The following TTC23L variants were observed in gnomAD, a reference collection of about 807,000 sequenced individuals.
TTC23L encodes the protein tetratricopeptide repeat domain 23 like.
TTC23L carries 42 observed loss-of-function variants against 48.1 expected under a neutral mutation model. That is an observed-to-expected ratio of 0.87 (90% CI 0.68 to 1.13). The LOEUF (loss-of-function observed/expected upper bound fraction) is 1.13. Ranked by LOEUF, TTC23L falls within the 50% of genes most tolerant of loss-of-function variation. The probability of loss-of-function intolerance (pLI) is 0.00; values close to 1 mark genes in which losing one functional copy is unlikely to be tolerated. For synonymous variants in TTC23L, 159 were observed against 157.2 expected (o/e 1.01, Z -0.09); for missense variants, 391 against 421.0 (o/e 0.93, Z 0.62).
At chr5:34,855,532 A>C in intron 4 of TTC23L, among the ~76,000 whole-genome samples, 1 of 152,224 alleles carries the variant, frequency 6.6e-6, no homozygotes, top group South Asian at 2.1e-4. Flanking sequence ...TTTTTAAACC[A>C]GAAACCCACT....
chr5:34,846,220 A>G (rs1759117139), intron 3 of TTC23L, among the ~76,000 whole-genome samples: 1 of 151,846 alleles, frequency 6.6e-6, no homozygotes, highest in Non-Finnish European at 1.5e-5. Context: ...AAACCTAAAA[A>G]TTATCATTTG....
chr5:34,909,001 G>C, the TTC23L span: 1 of 1,411,926 alleles, frequency 7.1e-7, no homozygotes, highest in Non-Finnish European at 9.8e-7. Context: ...ACACTGCTCA[G>C]AACTCCCAAG....
the TTC23L span, chr5:34,914,532 T>G: frequency 1.4e-6 from 1 of 701,408 alleles, no homozygotes; most frequent in Non-Finnish European, 2.3e-6. Context: ...AATGACGTTT[T>G]GTTCTCTAAC....
intron 6 of TTC23L, 90 bp downstream of exon 6, chr5:34,864,652 A>G (rs115182379): frequency 7.0e-7 from 1 of 1,425,994 alleles, no homozygotes; most frequent in Non-Finnish European, 9.3e-7. Context: ...GAGCAAAAAA[A>G]CCCAGAAACT....
chr5:34,881,856 CA>C (rs1489367823), intron 9 of TTC23L, among the ~76,000 whole-genome samples: 2 of 151,686 alleles, frequency 1.3e-5, no homozygotes, highest in Non-Finnish European at 2.9e-5. Flanking sequence ...CTCTGCCTCC[CA>C]AGTTCAAGCG....
At chr5:34,839,479 G>A (rs927692219) in intron 1 of TTC23L, 1 of 233,748 alleles carries the variant, frequency 4.3e-6, no homozygotes, top group Non-Finnish European at 7.0e-6. Context: ...CGGGAAAAGA[G>A]GAGCGATTCG....
chr5:34,870,606 G>T (rs536391427), intron 8 of TTC23L, among the ~76,000 whole-genome samples: 1 of 152,140 alleles, frequency 6.6e-6, no homozygotes, highest in Non-Finnish European at 1.5e-5. Context: ...TATGAGGCCA[G>T]TATTACCCTG....
At chr5:34,920,727 A>G in the TTC23L span, 1 of 152,234 alleles carries the variant, frequency 6.6e-6, no homozygotes, top group East Asian at 1.9e-4. Context: ...GAAATATGGT[A>G]AAAGACCATC....
chr5:34,845,854 C>T lies in TTC23L; in HGVS notation c.255+181C>T, dbSNP rs1759074810. 5 of 634,346 alleles carry T rather than the reference C, an allele frequency of 7.9e-6. No individual in the cohort carries two copies. In the South Asian group the frequency reaches 1.1e-4, roughly 14 times the overall value. The allele number at this position is 634,346 out of a possible 1,614,324, so 39.3% of individuals were successfully genotyped here. A position where few individuals can be genotyped will look rare whatever the true frequency, so the allele number is the denominator to read the frequency against. On this transcript the variant is annotated intron_variant, in intron 3 of 10. Transcript: ENST00000505624. ...AGCCAGCCCACCTTCTGGTTCCATG[C>T]ATGGTTCATTGTCTGTTCCTCCTTG...
chr5:34,858,683 TAAA>T (rs146615654), intron 4 of TTC23L, among the ~76,000 whole-genome samples: 3 of 149,436 alleles, frequency 2.0e-5, no homozygotes, highest in Admixed American at 2.0e-4. Flanking sequence ...AGGCTTCAGA[TAAA>T]AAAAAAATAG....
intron 6 of TTC23L, among the ~76,000 whole-genome samples, chr5:34,865,430 A>C (rs1760978314): frequency 6.6e-6 from 1 of 152,246 alleles, no homozygotes. Context: ...TCCACAGGGC[A>C]ATAAATTACA....
the TTC23L span, chr5:34,913,611 T>C: frequency 2.3e-5 from 30 of 1,328,944 alleles, no homozygotes; most frequent in Admixed American, 6.3e-5. Context: ...AATTGTTACA[T>C]AAAAGAATAA....
chr5:34,863,123 C>A lies in TTC23L; in HGVS notation c.536+69C>A. On this transcript the variant is annotated intron_variant, in intron 5 of 10. Coordinates refer to ENST00000505624, the Ensembl canonical transcript of TTC23L. The surrounding 1 kb of genome is among the most constrained non-coding windows in gnomAD (Gnocchi z 4.1). ...GCCACACATGCCAGATGGGTCATCT[C>A]ATACAGGAGGGTGGGAGATGGAACC... 6.3e-7 allele frequency: 1 copy of A among 1,586,614 alleles called. No homozygotes were observed. Among genetic ancestry groups the A allele is most frequent in the Non-Finnish European group, 8.6e-7 (1 of 1,163,296 alleles).
the TTC23L span, chr5:34,922,744 T>A: frequency 6.2e-7 from 1 of 1,614,104 alleles, no homozygotes. Context: ...TGAAAGGTTC[T>A]CGGCCCCTTT....
At chr5:34,847,480 G>GTT (rs3996923) in intron 3 of TTC23L, among the ~76,000 whole-genome samples, 7 of 146,312 alleles carry the variant, frequency 4.8e-5, no homozygotes, top group South Asian at 2.2e-4. Flanking sequence ...CAATAACGCT[G>GTT]TTTTTTTTTT....
intron 4 of TTC23L, among the ~76,000 whole-genome samples, chr5:34,859,430 C>T (rs72732822): frequency 0.33 from 50,860 of 152,098 alleles, 9,879 homozygotes; most frequent in South Asian, 0.44. Flanking sequence ...TCCCCCTCCT[C>T]ATCTGGGCAT....
chr5:34,881,859 G>A (rs1446468553), intron 9 of TTC23L, among the ~76,000 whole-genome samples: 2 of 150,962 alleles, frequency 1.3e-5, no homozygotes, highest in Non-Finnish European at 2.9e-5. Context: ...TGCCTCCCAA[G>A]TTCAAGCGAT....
At chr5:34,901,081 TAATAG>T (rs1451678438), downstream of TTC23L, among the ~76,000 whole-genome samples, 1 of 152,220 alleles carries the variant, frequency 6.6e-6, no homozygotes, top group African/African-American at 2.4e-5. Context: ...TAGCTTTTTA[TAATAG>T]ATTTGTGCAT....
Position 34,863,110 on chromosome 5 carries a change from A to G in TTC23L, c.536+56A>G. On this transcript the variant is annotated intron_variant, in intron 5 of 10. Transcript: ENST00000505624. The surrounding 1 kb of genome is among the most constrained non-coding windows in gnomAD (Gnocchi z 4.1). ...TTCGGGGCCACAGGCCACACATGCCAGATGGGTCATCTCATACAGGAGGGT... is the reference window on the plus strand; with the variant it reads ...TTCGGGGCCACAGGCCACACATGCCGGATGGGTCATCTCATACAGGAGGGT... 1.2e-6 allele frequency: 2 copies of G among 1,604,020 alleles called. No individual in the cohort carries two copies. Among genetic ancestry groups the G allele is most frequent in the South Asian group, 2.2e-5 (2 of 90,032 alleles).
Sources: gnomAD v4.1 joint callset for allele counts (sites outside exome capture counted in the v4.1 genomes callset) on GRCh38, gnomAD v4.1.1 for gene constraint, Gnocchi (gnomAD v3.1) non-coding constraint, MANE v1.5 for transcripts, NCBI Gene and HGNC (gene_info 2026-07-23, HGNC 2026-07-21) for gene names.